TAP1: variants seen among roughly 807,000 people sequenced by gnomAD.
TAP1 encodes the protein transporter 1, ATP binding cassette subfamily B member.
TAP1 carries 56 observed loss-of-function variants against 79.3 expected under a neutral mutation model. The observed-to-expected ratio is 0.71, with a 90% CI of 0.57 to 0.88. The LOEUF is 0.88. Among genes scored for constraint, TAP1 ranks in the 40% least tolerant of loss-of-function variants. The pLI is 0.00. For synonymous variants in TAP1, 355 were observed against 401.4 expected, an observed-to-expected ratio of 0.88 and a Z score of 1.38; for missense variants, 737 against 936.3, an observed-to-expected ratio of 0.79 and a Z score of 2.78.
In TAP1 at chr6:32,852,698, C is replaced by T. The variant is rs1770867849; in HGVS notation, c.599-196G>A. 1 of 1,469,456 alleles carries T rather than the reference C, an allele frequency of 6.8e-7. No individual in the cohort carries two copies. The highest frequency in any genetic ancestry group is 2.5e-5 in the East Asian group (1 of 40,342). 91.0% of individuals were successfully genotyped at this position (1,469,456 alleles called of 1,614,324 possible). ...CTACCCTGTGGTTGCTCTACCAGAACTTTCAGGATTTTATTAGGAAGGCTG... is the reference window on the plus strand; with the variant it reads ...CTACCCTGTGGTTGCTCTACCAGAATTTTCAGGATTTTATTAGGAAGGCTG... On this transcript the variant is annotated intron_variant, in intron 1 of 10. Transcript: ENST00000354258. This position sits in a 1 kb window ranked among gnomAD's most constrained non-coding sequence, Gnocchi z 4.8.
chr6:32,851,001 G>C lies in TAP1; in HGVS notation c.993C>G (p.Thr331=), dbSNP rs368862749. The change falls in exon 4 of 11, where the codon ACC becomes ACG. Residue 331 remains threonine (T), a synonymous_variant. Transcript: ENST00000354258. The surrounding 1 kb of genome is among the most constrained non-coding windows in gnomAD (Gnocchi z 4.8). ...GGAAAAGCAGAGGCAGGGTGATCAG[G>C]GTGACCATGGTGAGGGACACTGATC... ...LWGSVSLTMV[T]LITLPLLFLL... is the part of the protein sequence containing the mutation. 8.1e-6 allele frequency: 13 copies of C among 1,612,788 alleles called. No homozygotes were observed. Among genetic ancestry groups the C allele is most frequent in the Admixed American group, 1.7e-5 (1 of 59,990 alleles).
Position 32,850,594 on chromosome 6 carries a change from G to T in TAP1, c.1051-77C>A. 7.7e-7 allele frequency: 1 copy of T among 1,292,032 alleles called. No individual in the cohort carries two copies. The highest frequency in any genetic ancestry group is 1.1e-6 in the Non-Finnish European group (1 of 905,866). 80.0% of individuals were successfully genotyped at this position (1,292,032 alleles called of 1,614,324 possible). A position where few individuals can be genotyped will look rare whatever the true frequency, so the allele number is the denominator to read the frequency against. Reference sequence around the variant, plus strand: ...CACTAATACCTGAGTTACCTATTTGGAAATTAAAGGTGAGAAGAGACAGAG... The same window carrying T: ...CACTAATACCTGAGTTACCTATTTGTAAATTAAAGGTGAGAAGAGACAGAG... On this transcript the variant is annotated intron_variant, in intron 4 of 10. Transcript: ENST00000354258. This position sits in a 1 kb window ranked among gnomAD's most constrained non-coding sequence, Gnocchi z 5.5.
intron 5 of TAP1, 118 bp from the exon 6 acceptor site, chr6:32,849,236 G>A: frequency 8.0e-7 from 1 of 1,255,982 alleles, no homozygotes; most frequent in Admixed American, 2.0e-5. Context: ...GACATCGGCA[G>A]GCTCAATAGG....
chr6:32,853,313 C>T lies in TAP1; in HGVS notation c.324G>A (p.Pro108=), dbSNP rs779064547. ...PLAAALGLAL[P]GLALFRELIS... is the part of the protein sequence containing the mutation. ...TCAGCTCTCGGAACAAGGCAAGTCC[C>T]GGCAGGGCCAAGCCCAGTGCCGCAG... Residue 108 remains proline (P), a synonymous_variant, in exon 1 of 11, where the codon CCG becomes CCA. Transcript: ENST00000354258. The surrounding 1 kb of genome is among the most constrained non-coding windows in gnomAD (Gnocchi z 8.3). The T allele has an allele frequency of 2.5e-6, 4 of 1,579,690 alleles. No individual in the cohort carries two copies. The highest frequency in any genetic ancestry group is 3.7e-5 in the Admixed American group (2 of 54,266).
chr6:32,849,775 TAAAC>T (rs150562173), intron 5 of TAP1: 27,292 of 164,002 alleles, frequency 0.17, 2,492 homozygotes, highest in African/African-American at 0.23. Context: ...TAAGTAAAAA[TAAAC>T]AAACAAACAA....
intron 10 of TAP1, chr6:32,846,486 A>G (rs1214877027): frequency 6.0e-6 from 1 of 167,746 alleles, no homozygotes; most frequent in Non-Finnish European, 1.3e-5. Flanking sequence ...AATAAACGAT[A>G]TTATGAGGAT....
At position 32,848,673 on chromosome 6, in the gene TAP1, G is replaced by A. The variant is rs773340708; in HGVS notation, c.1545C>T (p.Arg515=). ...GTACCTGTAGCACTAAGACATCTGGGCGGTTTGGGTAGGCAAAGGAGACAT... is the reference window on the plus strand; with the variant it reads ...GTACCTGTAGCACTAAGACATCTGGACGGTTTGGGTAGGCAAAGGAGACAT... ...FQDVSFAYPN[R]PDVLVLQGLT... The change falls in exon 7 of 11, where the codon CGC becomes CGT. Residue 515 remains arginine (R), a synonymous_variant. Transcript: ENST00000354258. 1.2e-6 allele frequency: 2 copies of A among 1,614,142 alleles called. No homozygotes were observed. Among genetic ancestry groups the A allele is most frequent in the East Asian group, 2.2e-5 (1 of 44,890 alleles).
Position 32,852,769 on chromosome 6 carries a change from C to T in TAP1, c.599-267G>A. 1 of 1,440,938 alleles carries T rather than the reference C, an allele frequency of 6.9e-7. No individual in the cohort carries two copies. 89.3% of individuals were successfully genotyped at this position (1,440,938 alleles called of 1,614,324 possible). On this transcript the variant is annotated intron_variant, in intron 1 of 10. Transcript: ENST00000354258. The surrounding 1 kb of genome is among the most constrained non-coding windows in gnomAD (Gnocchi z 4.8). The stretch of plus-strand genomic sequence containing the variant: ...CCTCCTGTTAGAGATGAGGATGCCC[C>T]GCCCTTCGGCCCCAGAGCAAAGGAT...
In TAP1 at chr6:32,852,676, C is replaced by T; in HGVS notation, c.599-174G>A. ...AAATAGGCTGCCCTGGAACTCACTA[C>T]CCTGTGGTTGCTCTACCAGAACTTT... On this transcript the variant is annotated intron_variant, in intron 1 of 10. Transcript: ENST00000354258. This position sits in a 1 kb window ranked among gnomAD's most constrained non-coding sequence, Gnocchi z 4.8. 4.7e-6 allele frequency: 7 copies of T among 1,497,064 alleles called. No individual in the cohort carries two copies. Among genetic ancestry groups the T allele is most frequent in the Non-Finnish European group, 6.2e-6 (7 of 1,126,902 alleles). The allele number at this position is 1,497,064 out of a possible 1,614,324, so 92.7% of individuals were successfully genotyped here.
rs147640113 is a variant in TAP1 at position 32,847,289 on chromosome 6, C to T, written c.1904-85G>A. 13 of 1,579,358 alleles carry T rather than the reference C, an allele frequency of 8.2e-6. No individual in the cohort carries two copies. Among genetic ancestry groups the T allele is most frequent in the African/African-American group, 2.7e-5 (2 of 74,230 alleles). On this transcript the variant is annotated intron_variant, in intron 9 of 10. Coordinates refer to ENST00000354258, the MANE Select transcript of TAP1 (RefSeq NM_000593.6). The surrounding 1 kb of genome is among the most constrained non-coding windows in gnomAD (Gnocchi z 4.7). ...GCACACAGACACACTCATGCATTCA[C>T]GCACTCACACACACCAAGATCTGAC... is the stretch of plus-strand genomic sequence containing the variant.
In TAP1 at chr6:32,845,421, G is replaced by T; in HGVS notation, c.*158C>A. ...AAATCCTGTGTTTGTACTCCAGGAA[G>T]TCTGCATTATCACGAGGAGCTTGGA... On this transcript the variant is annotated 3_prime_UTR_variant, in exon 11 of 11. Coordinates refer to ENST00000354258, the MANE Select transcript of TAP1 (RefSeq NM_000593.6). The surrounding 1 kb of genome is among the most constrained non-coding windows in gnomAD (Gnocchi z 4.5). 1.4e-6 allele frequency: 1 copy of T among 740,724 alleles called. No individual in the cohort carries two copies. Among genetic ancestry groups the T allele is most frequent in the Non-Finnish European group, 2.4e-6 (1 of 422,590 alleles). The allele number at this position is 740,724 out of a possible 1,614,324, so 45.9% of individuals were successfully genotyped here.
chr6:32,850,735 G>C lies in TAP1; in HGVS notation c.1050+209C>G, dbSNP rs1026785739. Among the ~76,000 whole-genome samples the C allele has an allele frequency of 6.6e-5, 10 of 152,158 alleles. No individual in the cohort carries two copies. Among genetic ancestry groups the C allele is most frequent in the African/African-American group, 2.4e-4 (10 of 41,428 alleles). ...ATCAAATTCTTAAAGACAGATTGTG[G>C]GGAGAAGCTAGAAAAGAAGACCCAG... On this transcript the variant is annotated intron_variant, in intron 4 of 10. Transcript: ENST00000354258. The surrounding 1 kb of genome is among the most constrained non-coding windows in gnomAD (Gnocchi z 5.5).
intron 7 of TAP1, among the ~76,000 whole-genome samples, 182 bp downstream of exon 7, chr6:32,848,470 G>C (rs1331034768): frequency 6.6e-6 from 1 of 152,226 alleles, no homozygotes; most frequent in Non-Finnish European, 1.5e-5. Flanking sequence ...CATTCTCTTT[G>C]GAAGCCCAAA....
At position 32,852,018 on chromosome 6, in the gene TAP1, A is replaced by T. The variant is rs1562372791; in HGVS notation, c.844+91T>A. On this transcript the variant is annotated intron_variant, in intron 3 of 10. Transcript: ENST00000354258. This position sits in a 1 kb window ranked among gnomAD's most constrained non-coding sequence, Gnocchi z 4.8. ...GGAACAATGTGTGTATGTGTGTGTG[A>T]GAGAGAGAGAGCGGGGAGGGGGGAG... The T allele has an allele frequency of 8.0e-5, 108 of 1,343,806 alleles. No homozygotes were observed. The highest frequency in any genetic ancestry group is 1.8e-4 in the Middle Eastern group (1 of 5,406). The allele number at this position is 1,343,806 out of a possible 1,614,324, so 83.2% of individuals were successfully genotyped here.
intron 7 of TAP1, 70 bp downstream of exon 7, chr6:32,848,582 G>A: frequency 6.5e-7 from 1 of 1,537,466 alleles, no homozygotes; most frequent in African/African-American, 1.4e-5. Flanking sequence ...CAGGCTGAAG[G>A]CAGGAAGAAA....
chr6:32,849,432 T>C (rs1388057275), intron 5 of TAP1: 20 of 445,880 alleles, frequency 4.5e-5, no homozygotes, highest in Non-Finnish European at 4.1e-6. Context: ...GTTATATCAC[T>C]CCATTTTTGA....
At position 32,850,659 on chromosome 6, in the gene TAP1, G is replaced by A; in HGVS notation, c.1051-142C>T. On this transcript the variant is annotated intron_variant, in intron 4 of 10. Coordinates refer to ENST00000354258, the MANE Select transcript of TAP1 (RefSeq NM_000593.6). The surrounding 1 kb of genome is among the most constrained non-coding windows in gnomAD (Gnocchi z 5.5). ...AGAAAGAGACACAGCTATGCCCCTT[G>A]GATGCTAAAGAAATACGAGGAAGAG... 1 of 800,554 alleles carries A rather than the reference G, an allele frequency of 1.2e-6. No homozygotes were observed. The highest frequency in any genetic ancestry group is 2.1e-6 in the Non-Finnish European group (1 of 479,508). The allele number at this position is 800,554 out of a possible 1,614,324, so 49.6% of individuals were successfully genotyped here. A position where few individuals can be genotyped will look rare whatever the true frequency, so the allele number is the denominator to read the frequency against.
In TAP1 at chr6:32,852,787, C is replaced by A. The variant is rs115079513; in HGVS notation, c.598+252G>T. On this transcript the variant is annotated intron_variant, in intron 1 of 10. Coordinates refer to ENST00000354258, the MANE Select transcript of TAP1 (RefSeq NM_000593.6). This position sits in a 1 kb window ranked among gnomAD's most constrained non-coding sequence, Gnocchi z 4.8. ...GATGCCCCGCCCTTCGGCCCCAGAGCAAAGGATTTCCCCGCTTCCGGCGTG... is the reference window on the plus strand; with the variant it reads ...GATGCCCCGCCCTTCGGCCCCAGAGAAAAGGATTTCCCCGCTTCCGGCGTG... 0.024 allele frequency: 34,772 copies of A among 1,440,858 alleles called. 494 individuals carry two copies. Among genetic ancestry groups the A allele is most frequent in the Non-Finnish European group, 0.028 (30,876 of 1,105,560 alleles). The allele number at this position is 1,440,858 out of a possible 1,614,324, so 89.3% of individuals were successfully genotyped here. A position where few individuals can be genotyped will look rare whatever the true frequency, so the allele number is the denominator to read the frequency against.
chr6:32,848,197 G>A, intron 7 of TAP1, 105 bp from the exon 8 acceptor site: 1 of 1,427,076 alleles, frequency 7.0e-7, no homozygotes, highest in South Asian at 1.2e-5. Flanking sequence ...AAGAAAAACA[G>A]GGAAATATAG....
Sources: allele counts gnomAD v4.1 joint callset (sites outside exome capture counted in the v4.1 genomes callset), GRCh38; gene constraint gnomAD v4.1.1; non-coding constraint Gnocchi (gnomAD v3.1); transcripts MANE v1.5; gene names NCBI Gene and HGNC (gene_info 2026-07-23, HGNC 2026-07-21).